Variants in PDE4D observed in about 807,000 individuals in gnomAD.
PDE4D encodes phosphodiesterase 4D.
A neutral mutation model predicts 87.4 loss-of-function variants in PDE4D; 24 were observed. The ratio of observed to expected loss-of-function variants is 0.27; its 90% CI spans 0.20 to 0.39. The LOEUF (loss-of-function observed/expected upper bound fraction) is 0.39, where lower values mean the gene tolerates loss of function less well. Among genes scored for constraint, PDE4D ranks in the 10% least tolerant of loss-of-function variants. The pLI, the probability that PDE4D is intolerant of heterozygous loss-of-function variation, is 1.00. For synonymous variants in PDE4D, 384 were observed against 383.2 expected, an observed-to-expected ratio of 1.00 and a Z score of -0.02; for missense variants, 714 against 1,041.0, an observed-to-expected ratio of 0.69 and a Z score of 4.32.
At chr5:60,452,068 A>G (rs929017364) in intron 1 of PDE4D, among the ~76,000 whole-genome samples, 9 of 152,126 alleles carry the variant, frequency 5.9e-5, no homozygotes, top group Non-Finnish European at 1.5e-5. Context: ...GCAAAAATTC[A>G]TGTTTCTTAT....
chr5:60,082,181 T>A (rs1774031153), intron 2 of PDE4D, among the ~76,000 whole-genome samples: 1 of 152,182 alleles, frequency 6.6e-6, no homozygotes, highest in Non-Finnish European at 1.5e-5. Context: ...TAACCTCTAG[T>A]GTGATGACAT....
At chr5:60,367,051 T>C (rs1017830626) in intron 1 of PDE4D, among the ~76,000 whole-genome samples, 1 of 152,200 alleles carries the variant, frequency 6.6e-6, no homozygotes, top group African/African-American at 2.4e-5. Context: ...CTGGTGAACA[T>C]GCCTTCCGGG....
chr5:60,225,453 T>C (rs1179607546), intron 1 of PDE4D, among the ~76,000 whole-genome samples: 2 of 141,266 alleles, frequency 1.4e-5, no homozygotes, highest in Non-Finnish European at 3.1e-5. Flanking sequence ...AGGGATTGCA[T>C]GAAAAAAAAA....
chr5:59,048,673 T>C (rs1013500746), intron 5 of PDE4D, among the ~76,000 whole-genome samples: 1 of 152,206 alleles, frequency 6.6e-6, no homozygotes, highest in Non-Finnish European at 1.5e-5. Context: ...ACATGTTTTC[T>C]ATTTGAAATT....
At chr5:59,276,277 C>T (rs1764814363) in intron 1 of PDE4D, among the ~76,000 whole-genome samples, 1 of 152,066 alleles carries the variant, frequency 6.6e-6, no homozygotes, top group Non-Finnish European at 1.5e-5. Context: ...AAAACCATTT[C>T]CTTCTCTGGG....
At chr5:59,751,245 C>A (rs941312788) in intron 1 of PDE4D, among the ~76,000 whole-genome samples, 1 of 152,094 alleles carries the variant, frequency 6.6e-6, no homozygotes, top group African/African-American at 2.4e-5. Context: ...ACAGTCCTCA[C>A]GTAAATAATG....
Position 59,893,387 on chromosome 5 carries a change from G to T in PDE4D, c.236C>A (p.Pro79His), listed in dbSNP as rs925784488. The stretch of plus-strand genomic sequence containing the variant: ...CGGCGGCGGGGGCGGCGGCAGGGGG[G>T]GCGGCGGCGGCGGCTGTAGCGGACA... Reference protein sequence around the residue: ...PQCPLQPPPPPPLPPPPPPPG... With the variant: ...PQCPLQPPPPHPLPPPPPPPG... The change falls in exon 1 of 15, where the codon CCC becomes CAC. Residue 79 changes from proline (P) to histidine (H), a missense_variant. Transcript: ENST00000340635. 59 of 1,210,282 alleles carry T rather than the reference G, an allele frequency of 4.9e-5. No homozygotes were observed. The highest frequency in any genetic ancestry group is 5.9e-5 in the Non-Finnish European group (57 of 961,398). The allele number at this position is 1,210,282 out of a possible 1,614,324, so 75.0% of individuals were successfully genotyped here.
chr5:59,547,214 T>C (rs1241717452), intron 1 of PDE4D, among the ~76,000 whole-genome samples: 2 of 152,156 alleles, frequency 1.3e-5, no homozygotes, highest in Non-Finnish European at 2.9e-5. Flanking sequence ...TATCTTGGCA[T>C]AGAAAAAGGC....
At chr5:59,886,021 G>C (rs1015428777) in intron 1 of PDE4D, among the ~76,000 whole-genome samples, 7 of 152,076 alleles carry the variant, frequency 4.6e-5, no homozygotes, top group African/African-American at 1.7e-4. Flanking sequence ...GTTTCAAAGA[G>C]ATTATTAAGA....
intron 1 of PDE4D, among the ~76,000 whole-genome samples, chr5:59,260,081 C>G (rs1013416110): frequency 6.6e-6 from 1 of 151,728 alleles, no homozygotes; most frequent in Non-Finnish European, 1.5e-5. Flanking sequence ...CTGTCTTAGC[C>G]AAAATAGATT....
chr5:60,104,089 G>A (rs893212340), intron 2 of PDE4D, among the ~76,000 whole-genome samples: 1 of 152,178 alleles, frequency 6.6e-6, no homozygotes, highest in African/African-American at 2.4e-5. Context: ...AAGGGGTCAG[G>A]GAGTTCCCTT....
chr5:59,720,321 T>C lies in PDE4D; in HGVS notation c.455+172847A>G, dbSNP rs542559070. On this transcript the variant is annotated intron_variant, in intron 1 of 14. Coordinates refer to ENST00000340635, the MANE Select transcript of PDE4D (RefSeq NM_001104631.2). Reference sequence around the variant, plus strand: ...GGTATGTGCTATCATGCCAGGCTAATTATGTAGAGAGAGGGTCTTGCTATG... The same window carrying C: ...GGTATGTGCTATCATGCCAGGCTAACTATGTAGAGAGAGGGTCTTGCTATG... Among the ~76,000 whole-genome samples the C allele has an allele frequency of 1.7e-4, 26 of 152,188 alleles. No individual in the cohort carries two copies. In the South Asian group the frequency reaches 4.6e-3, roughly 27 times the overall value.
intron 3 of PDE4D, among the ~76,000 whole-genome samples, chr5:59,966,784 T>C (rs990684654): frequency 6.6e-6 from 1 of 152,222 alleles, no homozygotes; most frequent in Non-Finnish European, 1.5e-5. Flanking sequence ...CAGAGCTTAG[T>C]GTTATGTGAC....
chr5:59,875,554 G>T (rs1482953741), intron 1 of PDE4D, among the ~76,000 whole-genome samples: 3 of 146,072 alleles, frequency 2.1e-5, no homozygotes, highest in Non-Finnish European at 4.5e-5. Context: ...TCCCATCACT[G>T]ACTCCTCTTT....
At chr5:59,952,222 T>C (rs2152805045) in intron 3 of PDE4D, among the ~76,000 whole-genome samples, 1 of 152,298 alleles carries the variant, frequency 6.6e-6, no homozygotes, top group South Asian at 2.1e-4. Context: ...GTAAGTTTCC[T>C]GAGGCCTCCC....
chr5:60,474,633 G>A (rs970582102), intron 1 of PDE4D, among the ~76,000 whole-genome samples: 3 of 152,188 alleles, frequency 2.0e-5, no homozygotes, highest in Admixed American at 6.5e-5. Flanking sequence ...CTGATCAGCA[G>A]ATTCAAGGCA....
At chr5:59,097,754 A>G (rs1311301045) in intron 5 of PDE4D, among the ~76,000 whole-genome samples, 12 of 152,208 alleles carry the variant, frequency 7.9e-5, no homozygotes, top group Non-Finnish European at 1.5e-4. Flanking sequence ...ACACTGATAA[A>G]TGTTTACTGA....
At chr5:60,336,391 A>C (rs761871628) in intron 1 of PDE4D, among the ~76,000 whole-genome samples, 1 of 152,176 alleles carries the variant, frequency 6.6e-6, no homozygotes, top group Non-Finnish European at 1.5e-5. Context: ...GCAAGTACTC[A>C]CTTTGATAAC....
At chr5:60,346,732 G>A (rs558649469) in intron 1 of PDE4D, among the ~76,000 whole-genome samples, 1 of 152,222 alleles carries the variant, frequency 6.6e-6, no homozygotes, top group South Asian at 2.1e-4. Context: ...ATAGAGTCTG[G>A]AATAAAGGGG....
Sources: allele counts gnomAD v4.1 joint callset (sites outside exome capture counted in the v4.1 genomes callset), GRCh38; gene constraint gnomAD v4.1.1; transcripts MANE v1.5; gene names NCBI Gene and HGNC (gene_info 2026-07-23, HGNC 2026-07-21).